Variants in SNX2 observed in about 807,000 individuals in gnomAD.
The protein encoded by SNX2 is sorting nexin-2.
Under a neutral mutation model 69.9 loss-of-function variants are expected in SNX2, and 25 were observed. The ratio of observed to expected loss-of-function variants is 0.36; its 90% CI spans 0.26 to 0.50. SNX2 has a LOEUF of 0.50. SNX2 is among the 20% of genes least tolerant of loss of function. The pLI is 0.97. For missense variants in SNX2, 551 were observed against 613.3 expected (o/e 0.90, Z 1.07); for synonymous variants, 229 against 200.4 (o/e 1.14, Z -1.20).
At chr5:122,827,702 C>G in intron 14 of SNX2, 56 bp downstream of exon 14, 2 of 1,276,782 alleles carry the variant, frequency 1.6e-6, no homozygotes, top group South Asian at 2.5e-5. Context: ...GGTATACTTT[C>G]TTATTTTAAA....
intron 11 of SNX2, among the ~76,000 whole-genome samples, chr5:122,822,169 C>T (rs867579632): frequency 4.6e-5 from 7 of 152,188 alleles, no homozygotes; most frequent in African/African-American, 1.7e-4. Flanking sequence ...TCTTGGCTCA[C>T]TACAACCTCC....
At chr5:122,795,106 A>G (rs1452238216) in intron 1 of SNX2, among the ~76,000 whole-genome samples, 160 bp from the exon 2 acceptor site, 2 of 152,226 alleles carry the variant, frequency 1.3e-5, no homozygotes, top group Non-Finnish European at 2.9e-5. Flanking sequence ...AAAGTGTGTT[A>G]TTAGTTCATT....
chr5:122,806,173 A>G (rs1256157430), intron 6 of SNX2, among the ~76,000 whole-genome samples: 1 of 100,852 alleles, frequency 9.9e-6, no homozygotes, highest in Non-Finnish European at 2.1e-5. Flanking sequence ...CACACAGCCC[A>G]CCATTCCAAA....
At chr5:122,787,691 C>T (rs568941841) in intron 1 of SNX2, among the ~76,000 whole-genome samples, 2 of 152,302 alleles carry the variant, frequency 1.3e-5, no homozygotes, top group South Asian at 2.1e-4. Flanking sequence ...TGCCCCACAT[C>T]ATTCCCATTG....
At chr5:122,795,244 TA>T in intron 1 of SNX2, 21 bp from the exon 2 acceptor site, 3 of 1,458,536 alleles carry the variant, frequency 2.1e-6, no homozygotes, top group Non-Finnish European at 2.9e-6. Flanking sequence ...ATCCATTACC[TA>T]TTATTGTTCT....
rs200049771 is a variant in SNX2, at chr5:122,780,478, CTT to C, written c.108+5270_108+5271del. Reference sequence around the variant, plus strand: ...AGAAAGTAGAATAAGACAGGAGACACTTTTGATAAAGAGGAACTGCGAGCAAG... The same window carrying C: ...AGAAAGTAGAATAAGACAGGAGACACTTGATAAAGAGGAACTGCGAGCAAG... On this transcript the variant is annotated intron_variant, in intron 1 of 14. Coordinates refer to ENST00000379516, the MANE Select transcript of SNX2 (RefSeq NM_003100.4). Among the ~76,000 whole-genome samples, 1,361 of 151,986 alleles carry C rather than the reference CTT, an allele frequency of 9.0e-3. 15 individuals carry two copies. Among genetic ancestry groups the C allele is most frequent in the African/African-American group, 0.031 (1,293 of 41,448 alleles).
intron 1 of SNX2, among the ~76,000 whole-genome samples, chr5:122,780,493 A>T (rs1185723159): frequency 1.3e-5 from 2 of 152,188 alleles, no homozygotes; most frequent in Non-Finnish European, 2.9e-5. Flanking sequence ...GATAAAGAGG[A>T]ACTGCGAGCA....
At chr5:122,792,422 C>T (rs1753263038) in intron 1 of SNX2, among the ~76,000 whole-genome samples, 1 of 152,094 alleles carries the variant, frequency 6.6e-6, no homozygotes, top group Non-Finnish European at 1.5e-5. Flanking sequence ...GGTGAAACCC[C>T]TTCTCTACTA....
chr5:122,800,280 T>C (rs1753477752), intron 3 of SNX2, among the ~76,000 whole-genome samples: 1 of 152,188 alleles, frequency 6.6e-6, no homozygotes, highest in Non-Finnish European at 1.5e-5. Flanking sequence ...TTCTCATGAT[T>C]TGGCAGTAAT....
rs541632883 is a variant in SNX2 at position 122,800,383 on chromosome 5, G to C, written c.390+528G>C. On this transcript the variant is annotated intron_variant, in intron 3 of 14. Coordinates refer to ENST00000379516, the MANE Select transcript of SNX2 (RefSeq NM_003100.4). ...TAAAAGTCATTCATGGAAATATGTC[G>C]TTAAAATGACCATGATTAAGTAACA... is the stretch of plus-strand genomic sequence containing the variant. Among the ~76,000 whole-genome samples the C allele has an allele frequency of 3.6e-4, 55 of 152,188 alleles. No homozygotes were observed. The South Asian group carries it at 0.011, about 32-fold the overall frequency.
chr5:122,790,059 C>A (rs1753194266), intron 1 of SNX2, among the ~76,000 whole-genome samples: 1 of 152,198 alleles, frequency 6.6e-6, no homozygotes, highest in African/African-American at 2.4e-5. Flanking sequence ...CATCCAAGGT[C>A]TCTCATACAA....
intron 12 of SNX2, 54 bp from the exon 13 acceptor site, chr5:122,827,325 C>A: frequency 7.0e-7 from 1 of 1,431,954 alleles, no homozygotes. Flanking sequence ...GTGGTCTTGA[C>A]AGTACTATAC....
intron 8 of SNX2, 150 bp downstream of exon 8, chr5:122,816,121 C>G (rs1054319253): frequency 1.6e-5 from 7 of 432,038 alleles, no homozygotes; most frequent in African/African-American, 1.4e-4. Context: ...AATTACCCTG[C>G]TAAATTAGTA....
At chr5:122,794,621 C>T (rs2150005361) in intron 1 of SNX2, among the ~76,000 whole-genome samples, 1 of 152,256 alleles carries the variant, frequency 6.6e-6, no homozygotes, top group East Asian at 1.9e-4. Flanking sequence ...AAATCAAGGA[C>T]ATGATGTCGT....
At chr5:122,806,078 C>G (rs1461308061) in intron 6 of SNX2, among the ~76,000 whole-genome samples, 1 of 145,010 alleles carries the variant, frequency 6.9e-6, no homozygotes, top group Admixed American at 7.0e-5. Context: ...CCGCGCCTGG[C>G]CTGTTTAAAA....
At chr5:122,787,403 C>T (rs1156738930) in intron 1 of SNX2, among the ~76,000 whole-genome samples, 2 of 152,008 alleles carry the variant, frequency 1.3e-5, no homozygotes, top group Non-Finnish European at 2.9e-5. Context: ...GCCTGTAGTT[C>T]CAGCTATTTG....
intron 5 of SNX2, 51 bp from the exon 6 acceptor site, chr5:122,803,421 G>A (rs1753559525): frequency 6.5e-7 from 1 of 1,542,926 alleles, no homozygotes; most frequent in Non-Finnish European, 8.8e-7. Context: ...ATTAACTTGT[G>A]GAATAATTGC....
At chr5:122,811,294 C>G (rs1462328679) in intron 7 of SNX2, among the ~76,000 whole-genome samples, 1 of 152,182 alleles carries the variant, frequency 6.6e-6, no homozygotes, top group Non-Finnish European at 1.5e-5. Context: ...TAAGCAGAGA[C>G]TGCTTCTATT....
intron 1 of SNX2, among the ~76,000 whole-genome samples, chr5:122,794,382 C>T (rs1426699029): frequency 6.6e-6 from 1 of 152,160 alleles, no homozygotes; most frequent in Admixed American, 6.5e-5. Context: ...CTTGAGAGGT[C>T]ACATTTTTAG....
Sources: gnomAD v4.1 joint callset for allele counts (sites outside exome capture counted in the v4.1 genomes callset) on GRCh38, gnomAD v4.1.1 for gene constraint, MANE v1.5 for transcripts, NCBI Gene and HGNC (gene_info 2026-07-23, HGNC 2026-07-21) for gene names.